Variants in SLC25A21 observed in about 807,000 individuals in gnomAD.
SLC25A21 encodes the protein mitochondrial 2-oxodicarboxylate carrier.
SLC25A21 carries 47 observed loss-of-function variants against 43.8 expected under a neutral mutation model. That is an observed-to-expected ratio of 1.07 (90% CI 0.85 to 1.37). The LOEUF (loss-of-function observed/expected upper bound fraction) is 1.37. Among genes scored for constraint, SLC25A21 ranks in the 40% most tolerant of loss-of-function variants. SLC25A21 has a pLI of 0.00. For missense variants in SLC25A21, 352 were observed against 350.2 expected (o/e 1.00, Z -0.04); for synonymous variants, 131 against 121.3 (o/e 1.08, Z -0.52).
At chr14:36,708,722 C>CA (rs1883688776) in intron 7 of SLC25A21, among the ~76,000 whole-genome samples, 1 of 150,150 alleles carries the variant, frequency 6.7e-6, no homozygotes, top group Admixed American at 6.7e-5. Flanking sequence ...CAGATGTGCA[C>CA]AATCACACCT....
chr14:36,863,311 G>T (rs1040425457), intron 2 of SLC25A21, among the ~76,000 whole-genome samples: 1 of 152,102 alleles, frequency 6.6e-6, no homozygotes, highest in African/African-American at 2.4e-5. Flanking sequence ...TACCTTATTA[G>T]CTAAGGGAGA....
intron 1 of SLC25A21, among the ~76,000 whole-genome samples, chr14:37,137,932 G>A (rs1419331105): frequency 6.6e-6 from 1 of 152,132 alleles, no homozygotes; most frequent in Non-Finnish European, 1.5e-5. Flanking sequence ...CATCCATTAA[G>A]GACACATTCA....
Position 37,098,697 on chromosome 14 carries a change from TTAGA to T in SLC25A21, c.70+73580_70+73583del, listed in dbSNP as rs139250576. 901 of 116,878 alleles carry T rather than the reference TTAGA, an allele frequency of 7.7e-3. 3 individuals are homozygous for T. Among genetic ancestry groups the T allele is most frequent in the Non-Finnish European group, 0.011 (561 of 52,100 alleles). 7.2% of individuals were successfully genotyped at this position (116,878 alleles called of 1,614,324 possible). ...CTAATTGATTCTCCTTATAGGACGA[TTAGA>T]TAGATAGATAGATAGATAGATAGAT... On this transcript the variant is annotated intron_variant, in intron 1 of 9. Transcript: ENST00000331299.
At chr14:37,042,778 C>T (rs1961502614) in intron 1 of SLC25A21, among the ~76,000 whole-genome samples, 2 of 152,164 alleles carry the variant, frequency 1.3e-5, no homozygotes, top group Admixed American at 1.3e-4. Flanking sequence ...AACAATGGGT[C>T]CACGCTAACC....
intron 1 of SLC25A21, among the ~76,000 whole-genome samples, chr14:37,083,506 G>A (rs929725660): frequency 2.0e-5 from 3 of 151,968 alleles, no homozygotes; most frequent in Non-Finnish European, 4.4e-5. Flanking sequence ...ATTTATATAC[G>A]GCAAGGATTA....
chr14:37,082,625 T>C (rs1008807427), intron 1 of SLC25A21, among the ~76,000 whole-genome samples: 4 of 152,150 alleles, frequency 2.6e-5, no homozygotes, highest in African/African-American at 9.7e-5. Flanking sequence ...GCCTAGCCCA[T>C]AGCAAATATT....
chr14:36,968,284 G>C (rs951028029), intron 1 of SLC25A21, among the ~76,000 whole-genome samples: 4 of 152,170 alleles, frequency 2.6e-5, no homozygotes. Context: ...CCCCTGGAAC[G>C]ACAGCACAGC....
intron 3 of SLC25A21, among the ~76,000 whole-genome samples, chr14:36,741,260 T>C (rs779819793): frequency 2.0e-5 from 3 of 152,190 alleles, no homozygotes; most frequent in Non-Finnish European, 4.4e-5. Context: ...TACTAGGTTT[T>C]TGGTGTTAGG....
intron 1 of SLC25A21, among the ~76,000 whole-genome samples, chr14:37,166,257 A>G (rs938197230): frequency 6.6e-6 from 1 of 152,164 alleles, no homozygotes; most frequent in Non-Finnish European, 1.5e-5. Flanking sequence ...AAATAACTAA[A>G]TTTTCTCTTG....
intron 3 of SLC25A21, among the ~76,000 whole-genome samples, chr14:36,747,935 T>C (rs545531284): frequency 6.6e-6 from 1 of 152,330 alleles, no homozygotes; most frequent in African/African-American, 2.4e-5. Context: ...TTTGTATTTC[T>C]ACAGGAATTG....
At chr14:36,856,346 T>C (rs559624723) in intron 2 of SLC25A21, among the ~76,000 whole-genome samples, 1 of 152,196 alleles carries the variant, frequency 6.6e-6, no homozygotes, top group Non-Finnish European at 1.5e-5. Flanking sequence ...CCTGACCTCA[T>C]TCTTTGATTC....
intron 1 of SLC25A21, among the ~76,000 whole-genome samples, chr14:36,959,052 G>A (rs551575735): frequency 6.6e-6 from 1 of 152,136 alleles, no homozygotes; most frequent in Non-Finnish European, 1.5e-5. Flanking sequence ...TGCTTCTCGT[G>A]GTTGCCTTCA....
chr14:36,820,357 G>C (rs979871130), intron 2 of SLC25A21, among the ~76,000 whole-genome samples: 1 of 152,140 alleles, frequency 6.6e-6, no homozygotes. Flanking sequence ...AAGAAGGTTT[G>C]TTTTTGTCTA....
At chr14:37,145,623 C>T (rs921457130) in intron 1 of SLC25A21, among the ~76,000 whole-genome samples, 4 of 152,082 alleles carry the variant, frequency 2.6e-5, no homozygotes, top group Admixed American at 6.5e-5. Flanking sequence ...TCAGATATCC[C>T]TGAGGGCATG....
At chr14:36,840,117 C>G (rs17105485) in intron 2 of SLC25A21, among the ~76,000 whole-genome samples, 3,091 of 152,248 alleles carry the variant, frequency 0.02, 84 homozygotes, top group African/African-American at 0.069. Flanking sequence ...GAAACCAGAG[C>G]TCACGGAACT....
intron 1 of SLC25A21, among the ~76,000 whole-genome samples, chr14:36,883,062 C>A (rs964351343): frequency 1.3e-5 from 2 of 152,104 alleles, no homozygotes; most frequent in Admixed American, 1.3e-4. Context: ...CTCCATCTAC[C>A]TTTGACCTCT....
At chr14:36,923,742 T>C (rs1310298034) in intron 1 of SLC25A21, among the ~76,000 whole-genome samples, 4 of 152,076 alleles carry the variant, frequency 2.6e-5, no homozygotes, top group African/African-American at 9.7e-5. Context: ...AGCAAAAATA[T>C]TTTTTAAAAA....
At position 37,122,821 on chromosome 14, in the gene SLC25A21, TTATTTACCAAAA is replaced by T. The variant is rs142361957; in HGVS notation, c.70+49448_70+49459del. On this transcript the variant is annotated intron_variant, in intron 1 of 9. Transcript: ENST00000331299. ...GTTCTTGTCCCCCAATAACTGAGAA[TTATTTACCAAAA>T]TACTAAAAATTAAAGTATCACTCAT... is the stretch of plus-strand genomic sequence containing the variant. 0.016 allele frequency among the ~76,000 whole-genome samples: 2,409 copies of T among 152,280 alleles called. 176 individuals carry two copies. The East Asian group carries it at 0.26, about 16-fold the overall frequency.
At chr14:37,073,960 GA>G (rs574215839) in intron 1 of SLC25A21, among the ~76,000 whole-genome samples, 125 of 151,706 alleles carry the variant, frequency 8.2e-4, no homozygotes, top group African/African-American at 3.0e-3. Flanking sequence ...GTGCATCTGA[GA>G]AAAAACATCC....
Sources: allele counts gnomAD v4.1 joint callset (sites outside exome capture counted in the v4.1 genomes callset), GRCh38; gene constraint gnomAD v4.1.1; transcripts MANE v1.5; gene names NCBI Gene and HGNC (gene_info 2026-07-23, HGNC 2026-07-21).